Variants in ENTHD1 observed in about 807,000 individuals in gnomAD.
ENTHD1 encodes the protein ENTH domain-containing protein 1.
In ENTHD1, 23 loss-of-function variants were observed where a neutral mutation model predicts 39.1. The ratio of observed to expected loss-of-function variants is 0.59; its 90% CI spans 0.42 to 0.83. The LOEUF (loss-of-function observed/expected upper bound fraction) is 0.83. Among genes scored for constraint, ENTHD1 ranks in the 40% least tolerant of loss-of-function variants. The pLI is 0.00. For missense variants in ENTHD1, 624 were observed against 705.4 expected (o/e 0.88, Z 1.31); for synonymous variants, 230 against 258.2 (o/e 0.89, Z 1.05).
chr22:39,861,156 C>T (rs752436049), intron 3 of ENTHD1, among the ~76,000 whole-genome samples: 1 of 152,212 alleles, frequency 6.6e-6, no homozygotes, highest in Non-Finnish European at 1.5e-5. Flanking sequence ...AAAATTGAAT[C>T]ACGATGCCAA....
At chr22:39,845,516 A>G (rs1366349038) in intron 3 of ENTHD1, among the ~76,000 whole-genome samples, 1 of 152,228 alleles carries the variant, frequency 6.6e-6, no homozygotes, top group Non-Finnish European at 1.5e-5. Flanking sequence ...GAAGCATGAA[A>G]GGGAAAGAAA....
intron 5 of ENTHD1, among the ~76,000 whole-genome samples, chr22:39,766,220 T>C (rs2065276893): frequency 6.6e-6 from 1 of 152,128 alleles, no homozygotes; most frequent in Non-Finnish European, 1.5e-5. Flanking sequence ...GTTCTGACAA[T>C]TAGTAAAATA....
At chr22:39,801,956 C>G (rs2065602021) in intron 5 of ENTHD1, among the ~76,000 whole-genome samples, 2 of 152,018 alleles carry the variant, frequency 1.3e-5, no homozygotes, top group Non-Finnish European at 2.9e-5. Flanking sequence ...AAACAATCAT[C>G]TAAGTTCTGA....
intron 3 of ENTHD1, among the ~76,000 whole-genome samples, chr22:39,858,244 T>C (rs1441969466): frequency 2.0e-5 from 3 of 152,232 alleles, no homozygotes; most frequent in Non-Finnish European, 4.4e-5. Flanking sequence ...CAAGAAACCA[T>C]TTTCTTTGCT....
At chr22:39,829,252 T>G (rs892577043) in intron 4 of ENTHD1, among the ~76,000 whole-genome samples, 4 of 152,138 alleles carry the variant, frequency 2.6e-5, no homozygotes, top group Non-Finnish European at 4.4e-5. Flanking sequence ...AAAATCCAAC[T>G]TCTAAACTTC....
chr22:39,802,192 A>G (rs568463425), intron 5 of ENTHD1, among the ~76,000 whole-genome samples: 1 of 152,268 alleles, frequency 6.6e-6, no homozygotes, highest in Non-Finnish European at 1.5e-5. Context: ...CATGGCCAGC[A>G]CTCCTGTAAC....
intron 2 of ENTHD1, chr22:39,875,395 C>T (rs1267803766): frequency 8.3e-6 from 12 of 1,449,624 alleles, no homozygotes; most frequent in East Asian, 2.5e-5. Flanking sequence ...CCACGGTGCC[C>T]GCCACCCCGG....
At chr22:39,862,384 CT>C (rs1364586306) in intron 2 of ENTHD1, among the ~76,000 whole-genome samples, 2 of 151,776 alleles carry the variant, frequency 1.3e-5, no homozygotes, top group Non-Finnish European at 2.9e-5. Flanking sequence ...CTTGTCTCTA[CT>C]AAAATACAAA....
At chr22:39,873,245 G>A (rs1399020951) in intron 2 of ENTHD1, among the ~76,000 whole-genome samples, 2 of 151,800 alleles carry the variant, frequency 1.3e-5, no homozygotes, top group Non-Finnish European at 2.9e-5. Flanking sequence ...ATTAATTGCA[G>A]TTTCATGACT....
intron 3 of ENTHD1, among the ~76,000 whole-genome samples, chr22:39,853,531 A>AAAAC (rs1173887609): frequency 6.6e-6 from 1 of 152,118 alleles, no homozygotes; most frequent in Non-Finnish European, 1.5e-5. Context: ...ACTCTGTCTC[A>AAAAC]AAACAAACAA....
At chr22:39,876,618 T>C (rs765986520) in intron 2 of ENTHD1, among the ~76,000 whole-genome samples, 25 of 152,086 alleles carry the variant, frequency 1.6e-4, no homozygotes, top group Non-Finnish European at 2.6e-4. Context: ...AAATGTTCTT[T>C]ATTGTGCTAT....
intron 5 of ENTHD1, among the ~76,000 whole-genome samples, chr22:39,794,750 G>A (rs999965006): frequency 1.3e-5 from 2 of 150,540 alleles, no homozygotes; most frequent in African/African-American, 4.9e-5. Flanking sequence ...CTTGCAGTGA[G>A]CCAAGATCGT....
chr22:39,872,262 G>A (rs910107069), intron 2 of ENTHD1, among the ~76,000 whole-genome samples: 3 of 151,988 alleles, frequency 2.0e-5, no homozygotes. Flanking sequence ...CCTTGACATG[G>A]CTAATCAACA....
Position 39,856,634 on chromosome 22 carries a change from A to C in ENTHD1, c.592+5131T>G, listed in dbSNP as rs147750301. Reference sequence around the variant, plus strand: ...TCATTGACTAAAGCTTTTTTAGAACATCTTTTTTGTGAAACATACTTAAAA... The same window carrying C: ...TCATTGACTAAAGCTTTTTTAGAACCTCTTTTTTGTGAAACATACTTAAAA... On this transcript the variant is annotated intron_variant, in intron 3 of 6. Transcript: ENST00000325157. 2.2e-3 allele frequency among the ~76,000 whole-genome samples: 336 copies of C among 152,268 alleles called. 3 individuals are homozygous for C. The highest frequency in any genetic ancestry group is 7.7e-3 in the African/African-American group (318 of 41,566).
chr22:39,786,314 A>G (rs1430032748), intron 5 of ENTHD1, among the ~76,000 whole-genome samples: 2 of 152,216 alleles, frequency 1.3e-5, no homozygotes, highest in East Asian at 3.8e-4. Flanking sequence ...TCGTATATAC[A>G]TCGTGAAGTG....
At chr22:39,869,096 C>A (rs2066215182) in intron 2 of ENTHD1, among the ~76,000 whole-genome samples, 1 of 152,122 alleles carries the variant, frequency 6.6e-6, no homozygotes, top group African/African-American at 2.4e-5. Context: ...GGATTCAACC[C>A]AGCAATCCCA....
At chr22:39,767,306 A>T (rs531450015) in intron 5 of ENTHD1, among the ~76,000 whole-genome samples, 2 of 152,214 alleles carry the variant, frequency 1.3e-5, no homozygotes, top group Non-Finnish European at 2.9e-5. Context: ...ATATGACTGA[A>T]TTATATTTAG....
intron 5 of ENTHD1, among the ~76,000 whole-genome samples, chr22:39,787,255 C>T (rs991670068): frequency 6.6e-6 from 1 of 152,074 alleles, no homozygotes; most frequent in Non-Finnish European, 1.5e-5. Flanking sequence ...ACCAGCCATC[C>T]CTCATCTCTC....
At chr22:39,778,364 T>A (rs1401361843) in intron 5 of ENTHD1, among the ~76,000 whole-genome samples, 1 of 152,180 alleles carries the variant, frequency 6.6e-6, no homozygotes, top group East Asian at 1.9e-4. Flanking sequence ...AGAGAACTGG[T>A]ATACTATGTA....
Sources: gnomAD v4.1 joint callset for allele counts (sites outside exome capture counted in the v4.1 genomes callset) on GRCh38, gnomAD v4.1.1 for gene constraint, MANE v1.5 for transcripts, NCBI Gene and HGNC (gene_info 2026-07-23, HGNC 2026-07-21) for gene names.